The following L3MBTL4 variants were observed in gnomAD, a reference collection of about 807,000 sequenced individuals.
The protein encoded by L3MBTL4 is L3MBTL histone methyl-lysine binding protein 4, also known as lethal(3)malignant brain tumor-like protein 4.
In L3MBTL4, 70 loss-of-function variants were observed where a neutral mutation model predicts 84.5. The ratio of observed to expected loss-of-function variants is 0.83; its 90% confidence interval spans 0.68 to 1.01. The LOEUF (loss-of-function observed/expected upper bound fraction) is 1.01. Among genes scored for constraint, L3MBTL4 ranks in the 50% least tolerant of loss-of-function variants. The pLI is 0.00. For synonymous variants in L3MBTL4, 274 were observed against 259.8 expected (o/e 1.05, Z -0.52); for missense variants, 715 against 754.8 (o/e 0.95, Z 0.62).
At chr18:6,326,872 A>G (rs1202638268) in intron 1 of L3MBTL4, among the ~76,000 whole-genome samples, 1 of 152,200 alleles carries the variant, frequency 6.6e-6, no homozygotes, top group Non-Finnish European at 1.5e-5. Context: ...CAGTACATTA[A>G]GCATTGTATG....
intron 17 of L3MBTL4, among the ~76,000 whole-genome samples, chr18:5,963,382 A>AT (rs2052159524): frequency 6.6e-6 from 1 of 152,192 alleles, no homozygotes; most frequent in Admixed American, 6.5e-5. Flanking sequence ...GGTAGACTGG[A>AT]TTTTTTTAAA....
At chr18:6,250,850 C>A (rs1284809527) in intron 5 of L3MBTL4, among the ~76,000 whole-genome samples, 1 of 152,194 alleles carries the variant, frequency 6.6e-6, no homozygotes, top group Non-Finnish European at 1.5e-5. Flanking sequence ...AATTCAGCAG[C>A]CTGCTCAAAT....
chr18:6,338,944 C>A (rs1180943443), intron 1 of L3MBTL4, among the ~76,000 whole-genome samples: 2 of 152,020 alleles, frequency 1.3e-5, no homozygotes, highest in Admixed American at 6.6e-5. Flanking sequence ...GCAATAATCC[C>A]TTATGAAAAA....
intron 16 of L3MBTL4, among the ~76,000 whole-genome samples, chr18:6,033,497 G>A (rs571615669): frequency 6.6e-5 from 10 of 152,156 alleles, no homozygotes; most frequent in South Asian, 4.1e-4. Flanking sequence ...AGAGACTTAC[G>A]TCATCTTGCT....
chr18:6,016,861 G>A (rs2055007328), intron 16 of L3MBTL4, among the ~76,000 whole-genome samples: 1 of 152,188 alleles, frequency 6.6e-6, no homozygotes, highest in Non-Finnish European at 1.5e-5. Flanking sequence ...AGAGGGCAGG[G>A]GTGCAGCAGG....
intron 16 of L3MBTL4, among the ~76,000 whole-genome samples, chr18:6,068,811 A>G (rs991782933): frequency 6.6e-6 from 1 of 152,124 alleles, no homozygotes; most frequent in Non-Finnish European, 1.5e-5. Context: ...CAGCACTGCA[A>G]TTGTGTCTCT....
intron 16 of L3MBTL4, among the ~76,000 whole-genome samples, chr18:6,071,687 AAG>A (rs1310760793): frequency 3.1e-3 from 67 of 21,912 alleles, no homozygotes; most frequent in African/African-American, 0.012. Context: ...GAAAGAGAGA[AAG>A]AAAGAAAGAA....
chr18:6,261,736 A>G (rs919421966), intron 5 of L3MBTL4, among the ~76,000 whole-genome samples: 2 of 152,160 alleles, frequency 1.3e-5, no homozygotes, highest in African/African-American at 4.8e-5. Context: ...AATCTGAAGG[A>G]GAAATTCTCA....
At chr18:6,185,360 C>G (rs1355962451) in intron 12 of L3MBTL4, among the ~76,000 whole-genome samples, 1 of 152,178 alleles carries the variant, frequency 6.6e-6, no homozygotes, top group Non-Finnish European at 1.5e-5. Flanking sequence ...AAGGACACAG[C>G]CCTTTATGGA....
chr18:6,173,128 A>G (rs192687851), intron 12 of L3MBTL4, among the ~76,000 whole-genome samples: 129 of 152,364 alleles, frequency 8.5e-4, no homozygotes, highest in Non-Finnish European at 1.4e-3. Context: ...GTTATATGCT[A>G]AAGTCTGAGA....
intron 16 of L3MBTL4, among the ~76,000 whole-genome samples, chr18:6,054,767 T>C (rs1175574243): frequency 2.0e-5 from 3 of 152,210 alleles, no homozygotes; most frequent in Admixed American, 2.0e-4. Context: ...ATGCTGGGTA[T>C]GTAAAGAATA....
At chr18:6,201,029 T>C (rs2145652756) in intron 12 of L3MBTL4, among the ~76,000 whole-genome samples, 1 of 152,314 alleles carries the variant, frequency 6.6e-6, no homozygotes, top group South Asian at 2.1e-4. Flanking sequence ...TGAGTACCCA[T>C]GAAATGCCAG....
At chr18:6,051,517 C>A (rs907244192) in intron 16 of L3MBTL4, among the ~76,000 whole-genome samples, 1 of 150,832 alleles carries the variant, frequency 6.6e-6, no homozygotes, top group African/African-American at 2.4e-5. Flanking sequence ...CCAGCCTGGG[C>A]GGCGCAGCAA....
At chr18:6,196,014 C>A (rs1280823574) in intron 12 of L3MBTL4, among the ~76,000 whole-genome samples, 1 of 152,076 alleles carries the variant, frequency 6.6e-6, no homozygotes, top group Non-Finnish European at 1.5e-5. Flanking sequence ...CCCACACTCT[C>A]CTCCTATTCC....
chr18:6,112,646 C>A lies in L3MBTL4; in HGVS notation c.1200-19118G>T, dbSNP rs370295431. Among the ~76,000 whole-genome samples the A allele has an allele frequency of 3.3e-5, 5 of 152,084 alleles. No homozygotes were observed. In the East Asian group the frequency reaches 7.7e-4, roughly 23 times the overall value. The stretch of plus-strand genomic sequence containing the variant: ...GATTCTGAACCTGAAATTGAGAATA[C>A]CCAATTTTTGTCTGAATCTCCAGCA... On this transcript the variant is annotated intron_variant, in intron 14 of 18. Coordinates refer to ENST00000317931, the MANE Select transcript of L3MBTL4 (RefSeq NM_001330559.2).
intron 14 of L3MBTL4, among the ~76,000 whole-genome samples, chr18:6,124,735 G>A (rs2059634248): frequency 6.6e-6 from 1 of 151,924 alleles, no homozygotes; most frequent in South Asian, 2.1e-4. Flanking sequence ...AAGGAATAAA[G>A]GAAATTAAGT....
chr18:6,097,473 T>A (rs1156998146), intron 14 of L3MBTL4, among the ~76,000 whole-genome samples: 2 of 152,214 alleles, frequency 1.3e-5, no homozygotes, highest in Admixed American at 6.5e-5. Flanking sequence ...GCTGGACCCC[T>A]GCATTTTGGG....
rs376546044 is a variant in L3MBTL4 at position 6,210,965 on chromosome 18, G to C, written c.981+2184C>G. ...ACTGCTGAAGTACCTATAATATAAA[G>C]AGCCAGGTAGAGTTTCAGGAATTTT... is the stretch of plus-strand genomic sequence containing the variant. On this transcript the variant is annotated intron_variant, in intron 12 of 18. Coordinates refer to ENST00000317931, the MANE Select transcript of L3MBTL4 (RefSeq NM_001330559.2). 1.3e-3 allele frequency among the ~76,000 whole-genome samples: 201 copies of C among 152,278 alleles called. 2 individuals carry two copies. The highest frequency in any genetic ancestry group is 4.7e-3 in the African/African-American group (195 of 41,550).
chr18:6,096,181 C>T (rs2058638307), intron 14 of L3MBTL4, among the ~76,000 whole-genome samples: 1 of 152,146 alleles, frequency 6.6e-6, no homozygotes, highest in Non-Finnish European at 1.5e-5. Flanking sequence ...TAGACAGCTA[C>T]CACAGACCCC....
Sources: allele counts gnomAD v4.1 joint callset (sites outside exome capture counted in the v4.1 genomes callset), GRCh38; gene constraint gnomAD v4.1.1; transcripts MANE v1.5; gene names NCBI Gene and HGNC (gene_info 2026-07-23, HGNC 2026-07-21).